Variants in TRPM1 observed in about 807,000 individuals in gnomAD.
TRPM1 encodes the protein TRPM1-203 APA Isoform, Intron 10.
Under a neutral mutation model 149.4 loss-of-function variants are expected in TRPM1, and 113 were observed. The observed-to-expected ratio is 0.76, with a 90% CI of 0.65 to 0.88. TRPM1 has a LOEUF of 0.88. Among genes scored for constraint, TRPM1 ranks in the 40% least tolerant of loss-of-function variants. TRPM1 has a pLI of 0.00. For missense variants in TRPM1, 1,976 were observed against 2,038.7 expected (o/e 0.97, Z 0.59); for synonymous variants, 741 against 759.5 (o/e 0.98, Z 0.40).
chr15:31,043,983 GAGTA>G (rs2033693519), intron 16 of TRPM1, among the ~76,000 whole-genome samples: 1 of 152,002 alleles, frequency 6.6e-6, no homozygotes, highest in Non-Finnish European at 1.5e-5. Flanking sequence ...TACCATAGTT[GAGTA>G]AGTAACACAC....
At chr15:31,015,895 T>A (rs1013439630) in intron 27 of TRPM1, among the ~76,000 whole-genome samples, 3 of 152,236 alleles carry the variant, frequency 2.0e-5, no homozygotes, top group Non-Finnish European at 2.9e-5. Flanking sequence ...TTGTTCTTCA[T>A]CCCCACATTT....
intron 5 of TRPM1, 50 bp from the exon 6 acceptor site, chr15:31,067,237 C>A (rs1476923079): frequency 6.2e-7 from 1 of 1,613,970 alleles, no homozygotes; most frequent in South Asian, 1.1e-5. Flanking sequence ...TCCCAGCACA[C>A]CATCATTCAT....
At chr15:31,004,873 G>T (rs141107350) in intron 27 of TRPM1, among the ~76,000 whole-genome samples, 1 of 152,038 alleles carries the variant, frequency 6.6e-6, no homozygotes, top group Non-Finnish European at 1.5e-5. Context: ...AGGCCAAGGC[G>T]GGTGGATCAC....
At chr15:31,027,998 T>C (rs1458363015) in intron 25 of TRPM1, among the ~76,000 whole-genome samples, 1 of 152,196 alleles carries the variant, frequency 6.6e-6, no homozygotes, top group Non-Finnish European at 1.5e-5. Flanking sequence ...CTTTTCCACC[T>C]CTGCTGATGA....
At chr15:31,092,497 T>G (rs1308459139) in intron 1 of TRPM1, among the ~76,000 whole-genome samples, 3 of 152,182 alleles carry the variant, frequency 2.0e-5, no homozygotes, top group African/African-American at 7.2e-5. Context: ...TGTCCCTCAT[T>G]ACTCAGGGTC....
chr15:31,037,747 G>A lies in TRPM1; in HGVS notation c.2535C>T (p.Phe845=), dbSNP rs2033458693. The change falls in exon 20 of 28, where the codon TTC becomes TTT. Residue 845 remains phenylalanine (F), a synonymous_variant. Transcript: ENST00000256552. Reference sequence around the variant, plus strand: ...AGAACTTGACAATGGGCGCGTTATAGAATTCACAGATCTTTGTTCCGATGG... The same window carrying A: ...AGAACTTGACAATGGGCGCGTTATAAAATTCACAGATCTTTGTTCCGATGG... ...SIPIGTKICE[F]YNAPIVKFWF... is the part of the protein sequence containing the mutation. 6.2e-7 allele frequency: 1 copy of A among 1,614,124 alleles called. No individual in the cohort carries two copies. The highest frequency in any genetic ancestry group is 1.1e-5 in the South Asian group (1 of 91,090).
At chr15:31,118,092 C>G (rs2035825806) in intron 1 of TRPM1, among the ~76,000 whole-genome samples, 1 of 152,112 alleles carries the variant, frequency 6.6e-6, no homozygotes, top group Non-Finnish European at 1.5e-5. Flanking sequence ...GAAACCCCAT[C>G]TCTACTAAAA....
chr15:31,035,517 G>A (rs775102553), intron 21 of TRPM1, 29 bp downstream of exon 21: 7 of 1,613,902 alleles, frequency 4.3e-6, no homozygotes, highest in Non-Finnish European at 5.9e-6. Context: ...AGCGGTTAGT[G>A]GGCTGGGGGA....
intron 1 of TRPM1, among the ~76,000 whole-genome samples, chr15:31,082,457 TGG>T (rs2034887470): frequency 3.9e-5 from 6 of 152,188 alleles, no homozygotes; most frequent in Admixed American, 3.3e-4. Flanking sequence ...GAAATGGAAA[TGG>T]CTTTGAGTGG....
At chr15:31,049,128 A>G (rs905090527) in intron 13 of TRPM1, among the ~76,000 whole-genome samples, 2 of 152,092 alleles carry the variant, frequency 1.3e-5, no homozygotes, top group Non-Finnish European at 1.5e-5. Flanking sequence ...CTCACACACC[A>G]CCCTTAAATG....
intron 1 of TRPM1, among the ~76,000 whole-genome samples, chr15:31,145,313 T>C (rs2036211412): frequency 6.6e-6 from 1 of 152,160 alleles, no homozygotes; most frequent in Non-Finnish European, 1.5e-5. Flanking sequence ...TTCTCCAAGA[T>C]GGCAGAAGAA....
At chr15:31,080,816 G>A (rs2034838308) in intron 2 of TRPM1, among the ~76,000 whole-genome samples, 1 of 150,588 alleles carries the variant, frequency 6.6e-6, no homozygotes, top group Admixed American at 6.6e-5. Context: ...AGAAACCCGC[G>A]CTGGGGCGCT....
chr15:31,068,156 T>C, intron 4 of TRPM1, 64 bp from the exon 5 acceptor site: 14 of 1,417,002 alleles, frequency 9.9e-6, no homozygotes, highest in Non-Finnish European at 1.4e-5. Context: ...CAAAGGGGAG[T>C]GAGGCTATTG....
chr15:31,088,009 C>T lies in TRPM1; in HGVS notation c.-83-6571G>A, dbSNP rs532024488. Among the ~76,000 whole-genome samples the T allele has an allele frequency of 2.6e-5, 4 of 152,310 alleles. 1 individual carries two copies. The South Asian group carries it at 8.3e-4, about 32-fold the overall frequency. On this transcript the variant is annotated intron_variant, in intron 1 of 27. Coordinates refer to ENST00000256552, the MANE Select transcript of TRPM1 (RefSeq NM_001252024.2). ...TATGTGTATTTTACCACAATTAAAA[C>T]AACTTTTTAAGAAATGCAGCTATCT...
Position 31,089,165 on chromosome 15 carries a change from G to A in TRPM1, c.-83-7727C>T, listed in dbSNP as rs376899971. The stretch of plus-strand genomic sequence containing the variant: ...ACAGGCTGCTGCTGTTTGCCTTCTG[G>A]TGTTGCATTATTGTGCAACAGGAGT... On this transcript the variant is annotated intron_variant, in intron 1 of 27. Transcript: ENST00000256552. Among the ~76,000 whole-genome samples, 24 of 152,296 alleles carry A rather than the reference G, an allele frequency of 1.6e-4. No homozygotes were observed. The East Asian group carries it at 1.9e-3, about 12-fold the overall frequency.
At chr15:31,150,508 C>T (rs1243984636) in intron 1 of TRPM1, among the ~76,000 whole-genome samples, 1 of 146,078 alleles carries the variant, frequency 6.8e-6, no homozygotes, top group Non-Finnish European at 1.5e-5. Flanking sequence ...GCGATCTCAG[C>T]TCACTGCAAT....
At chr15:31,071,973 A>AC (rs969998472) in intron 3 of TRPM1, among the ~76,000 whole-genome samples, 3 of 104,718 alleles carry the variant, frequency 2.9e-5, no homozygotes, top group Non-Finnish European at 5.5e-5. Flanking sequence ...CAAAAAAAAA[A>AC]AAAAAACATA....
intron 1 of TRPM1, among the ~76,000 whole-genome samples, chr15:31,112,602 T>A (rs979556179): frequency 1.3e-5 from 2 of 152,178 alleles, no homozygotes; most frequent in African/African-American, 2.4e-5. Context: ...ACTTTTTTTT[T>A]AATTGGCTGA....
chr15:31,020,010 A>G (rs993176457), intron 27 of TRPM1, among the ~76,000 whole-genome samples: 2 of 152,228 alleles, frequency 1.3e-5, no homozygotes, highest in African/African-American at 4.8e-5. Context: ...TCTCTGTAAT[A>G]AACAGTATAC....
Sources: allele counts gnomAD v4.1 joint callset (sites outside exome capture counted in the v4.1 genomes callset), GRCh38; gene constraint gnomAD v4.1.1; transcripts MANE v1.5; gene names NCBI Gene and HGNC (gene_info 2026-07-23, HGNC 2026-07-21).